The following ITGAV variants were observed in gnomAD, a reference collection of about 807,000 sequenced individuals.
ITGAV encodes the protein integrin alpha-V.
ITGAV carries 76 observed loss-of-function variants against 143.8 expected under a neutral mutation model. The ratio of observed to expected loss-of-function variants is 0.53; its 90% CI spans 0.44 to 0.64. ITGAV has a LOEUF of 0.64. Among genes scored for constraint, ITGAV ranks in the 30% least tolerant of loss-of-function variants. The pLI is 0.00. For missense variants in ITGAV, 1,193 were observed against 1,274.7 expected (o/e 0.94, Z 0.98); for synonymous variants, 453 against 446.7 (o/e 1.01, Z -0.18).
chr2:186,624,474 G>A (rs929177406), intron 3 of ITGAV, among the ~76,000 whole-genome samples: 5 of 152,122 alleles, frequency 3.3e-5, no homozygotes, highest in Non-Finnish European at 7.4e-5. Context: ...TAAGGAAAAG[G>A]AGCAAGCCAC....
At chr2:186,606,152 A>G (rs915477882) in intron 2 of ITGAV, among the ~76,000 whole-genome samples, 1 of 152,174 alleles carries the variant, frequency 6.6e-6, no homozygotes, top group African/African-American at 2.4e-5. Flanking sequence ...CATCCTGCTA[A>G]ACTTTCTTTA....
At chr2:186,644,654 A>G (rs956944795) in intron 12 of ITGAV, among the ~76,000 whole-genome samples, 6 of 152,056 alleles carry the variant, frequency 3.9e-5, no homozygotes, top group Non-Finnish European at 8.8e-5. Context: ...AAAAGGATAA[A>G]AAGAATACTT....
intron 26 of ITGAV, among the ~76,000 whole-genome samples, chr2:186,671,358 A>G (rs1334912375): frequency 6.6e-6 from 1 of 151,416 alleles, no homozygotes; most frequent in African/African-American, 2.4e-5. Flanking sequence ...CAAATTTTCC[A>G]CCTTGCTTTC....
At chr2:186,623,784 G>A (rs1188865121) in intron 3 of ITGAV, among the ~76,000 whole-genome samples, 1 of 152,088 alleles carries the variant, frequency 6.6e-6, no homozygotes, top group Non-Finnish European at 1.5e-5. Flanking sequence ...TCACTAGTGA[G>A]CACTCACAAT....
At position 186,649,972 on chromosome 2, in the gene ITGAV, T is replaced by G. The variant is rs369526855; in HGVS notation, c.1397+87T>G. 1.6e-5 allele frequency: 14 copies of G among 858,738 alleles called. No homozygotes were observed. In the African/African-American group the frequency reaches 2.2e-4, roughly 14 times the overall value. 53.2% of individuals were successfully genotyped at this position (858,738 alleles called of 1,614,324 possible). A position where few individuals can be genotyped will look rare whatever the true frequency, so the allele number is the denominator to read the frequency against. ...TAAGTGTCAGTGTTTGAATTTTAGTTTAATTTTCTTGAAATAATGATAAAA... is the reference window on the plus strand; with the variant it reads ...TAAGTGTCAGTGTTTGAATTTTAGTGTAATTTTCTTGAAATAATGATAAAA... On this transcript the variant is annotated intron_variant, in intron 14 of 29. Coordinates refer to ENST00000261023, the MANE Select transcript of ITGAV (RefSeq NM_002210.5).
intron 13 of ITGAV, 66 bp downstream of exon 13, chr2:186,646,943 C>A: frequency 9.6e-7 from 1 of 1,040,220 alleles, no homozygotes; most frequent in Non-Finnish European, 1.4e-6. Context: ...GTATTAGTTA[C>A]TGTTCTTGAT....
At chr2:186,640,886 A>G (rs1445353115) in intron 10 of ITGAV, 29 bp from the exon 11 acceptor site, 20 of 1,541,786 alleles carry the variant, frequency 1.3e-5, no homozygotes, top group African/African-American at 2.7e-5. Context: ...GATGAAATAT[A>G]AACATTTCAT....
intron 6 of ITGAV, among the ~76,000 whole-genome samples, chr2:186,634,958 C>CT (rs1687912254): frequency 6.6e-6 from 1 of 151,630 alleles, no homozygotes; most frequent in African/African-American, 2.4e-5. Context: ...TTAACTCTGT[C>CT]TTTTTAAGAG....
intron 26 of ITGAV, among the ~76,000 whole-genome samples, chr2:186,673,196 C>T (rs1241858798): frequency 6.6e-6 from 1 of 152,138 alleles, no homozygotes; most frequent in East Asian, 1.9e-4. Context: ...CTTAAATGGT[C>T]TTGGCAGTCT....
intron 10 of ITGAV, among the ~76,000 whole-genome samples, chr2:186,639,757 G>C (rs931953725): frequency 3.3e-5 from 5 of 152,192 alleles, no homozygotes; most frequent in Admixed American, 1.3e-4. Flanking sequence ...TCATGGGACA[G>C]TTGTGAGAAT....
rs1388949076 is a variant in ITGAV, at chr2:186,673,018, A to G, written c.2707-2586A>G. On this transcript the variant is annotated intron_variant, in intron 26 of 29. Transcript: ENST00000261023. ...TACAAGGTCATGAAGATTCATACCT[A>G]GGCTTTTTGGTTTTATAAGTTTTAC... 3.9e-5 allele frequency among the ~76,000 whole-genome samples: 6 copies of G among 152,196 alleles called. No individual in the cohort carries two copies. The South Asian group carries it at 1.0e-3, about 26-fold the overall frequency.
intron 11 of ITGAV, 129 bp downstream of exon 11, chr2:186,641,096 T>C (rs1688090563): frequency 1.3e-6 from 1 of 784,902 alleles, no homozygotes; most frequent in South Asian, 1.7e-5. Flanking sequence ...AAGGAAACAA[T>C]TTGAAGCAAC....
At position 186,675,835 on chromosome 2, in the gene ITGAV, C is replaced by G. The variant is rs772017465; in HGVS notation, c.2836C>G (p.His946Asp). The G allele has an allele frequency of 6.2e-7, 1 of 1,600,404 alleles. No individual in the cohort carries two copies. Among genetic ancestry groups the G allele is most frequent in the South Asian group, 1.1e-5 (1 of 89,226 alleles). ...ETFMNKENQN[H>D]SYSLKSSASF... Reference sequence around the variant, plus strand: ...TTCCAAACAGAAAGAAAATCAGAATCATTCCTATTCTCTGAAGTCGTCTGC... The same window carrying G: ...TTCCAAACAGAAAGAAAATCAGAATGATTCCTATTCTCTGAAGTCGTCTGC... Residue 946 changes from histidine to aspartate, a missense_variant, in exon 28 of 30, where the codon CAT becomes GAT. His to Asp is a moderately conservative substitution (Grantham distance 81, BLOSUM62 -1). Coordinates refer to ENST00000261023, the MANE Select transcript of ITGAV (RefSeq NM_002210.5).
intron 2 of ITGAV, among the ~76,000 whole-genome samples, chr2:186,603,324 C>T (rs1250117307): frequency 6.6e-6 from 1 of 152,054 alleles, no homozygotes; most frequent in Non-Finnish European, 1.5e-5. Flanking sequence ...TATATTGATT[C>T]TGGGAAATAT....
chr2:186,658,501 C>A (rs1313001076), intron 17 of ITGAV, among the ~76,000 whole-genome samples: 1 of 151,912 alleles, frequency 6.6e-6, no homozygotes, highest in East Asian at 1.9e-4. Context: ...TCTGTAATAG[C>A]AAAAACAAAA....
At chr2:186,655,876 GCAAGACTCTTGCTA>G (rs1412913110) in intron 16 of ITGAV, among the ~76,000 whole-genome samples, 1 of 152,048 alleles carries the variant, frequency 6.6e-6, no homozygotes, top group Non-Finnish European at 1.5e-5. Context: ...ATCAAAATCA[GCAAGACTCTTGCTA>G]CTTGAATTTA....
chr2:186,642,526 CTTTT>C (rs916639754), intron 12 of ITGAV, among the ~76,000 whole-genome samples: 1 of 127,480 alleles, frequency 7.8e-6, no homozygotes, highest in Non-Finnish European at 1.6e-5. Context: ...TTGTTTCTTT[CTTTT>C]TTTTCTTTTT....
chr2:186,593,362 G>C (rs1686665894), intron 1 of ITGAV, among the ~76,000 whole-genome samples: 1 of 152,002 alleles, frequency 6.6e-6, no homozygotes, highest in Non-Finnish European at 1.5e-5. Context: ...AAAATGTTAA[G>C]GCGGCCCCTC....
intron 26 of ITGAV, among the ~76,000 whole-genome samples, chr2:186,674,536 G>C (rs535553450): frequency 9.9e-5 from 15 of 151,644 alleles, no homozygotes; most frequent in Admixed American, 7.2e-4. Context: ...TTTGAAGAAA[G>C]AGTCTAGCTC....
Sources: gnomAD v4.1 joint callset for allele counts (sites outside exome capture counted in the v4.1 genomes callset) on GRCh38, gnomAD v4.1.1 for gene constraint, MANE v1.5 for transcripts, NCBI Gene and HGNC (gene_info 2026-07-23, HGNC 2026-07-21) for gene names.